Variants in TEX36 observed in about 807,000 individuals in gnomAD.
TEX36 encodes the protein testis-expressed protein 36.
Under a neutral mutation model 13.6 loss-of-function variants are expected in TEX36, and 12 were observed. The observed-to-expected ratio is 0.88, with a 90% CI of 0.56 to 1.43. TEX36 has a LOEUF of 1.43. Ranked by LOEUF, TEX36 falls within the 40% of genes most tolerant of loss-of-function variation. The pLI is 0.00. For missense variants in TEX36, 224 were observed against 228.3 expected (o/e 0.98, Z 0.12); for synonymous variants, 93 against 83.0 (o/e 1.12, Z -0.65).
At chr10:125,624,634 C>T (rs1223543911) in intron 3 of TEX36, among the ~76,000 whole-genome samples, 3 of 151,606 alleles carry the variant, frequency 2.0e-5, no homozygotes, top group Non-Finnish European at 4.4e-5. Flanking sequence ...GGGGAATGAC[C>T]CTTCCTCAAG....
intron 3 of TEX36, among the ~76,000 whole-genome samples, chr10:125,614,385 G>T (rs899463052): frequency 1.3e-5 from 2 of 152,122 alleles, no homozygotes; most frequent in African/African-American, 4.8e-5. Flanking sequence ...GTAATGCGTA[G>T]GTTTTCTTCT....
intron 3 of TEX36, among the ~76,000 whole-genome samples, chr10:125,627,157 C>A (rs1025110420): frequency 6.6e-6 from 1 of 152,182 alleles, no homozygotes; most frequent in East Asian, 1.9e-4. Context: ...TTTTTAAATA[C>A]ATGTAAGTGA....
At chr10:125,635,187 C>A (rs1047272591) in intron 3 of TEX36, among the ~76,000 whole-genome samples, 4 of 152,144 alleles carry the variant, frequency 2.6e-5, no homozygotes, top group Non-Finnish European at 5.9e-5. Flanking sequence ...CAGGCTCCAC[C>A]ACATTGCTCC....
chr10:125,634,024 A>G lies in TEX36; in HGVS notation c.265-12379T>C, dbSNP rs1285109104. Among the ~76,000 whole-genome samples the G allele has an allele frequency of 2.5e-4, 38 of 152,186 alleles. 1 individual carries two copies. Among genetic ancestry groups the G allele is most frequent in the Non-Finnish European group, 1.5e-5 (1 of 68,040 alleles). On this transcript the variant is annotated intron_variant, in intron 3 of 3. Coordinates refer to the TEX36 transcript ENST00000526819. The stretch of plus-strand genomic sequence containing the variant: ...TTTACTTTCTTGGATTAAAACAAAA[A>G]AAAACTTACTTTTTTTGGAGCAGGG...
At chr10:125,589,090 G>C (rs564058997) in intron 3 of TEX36, among the ~76,000 whole-genome samples, 5 of 152,192 alleles carry the variant, frequency 3.3e-5, no homozygotes, top group Non-Finnish European at 7.3e-5. Flanking sequence ...AACAATATCA[G>C]AATGATTTTC....
At chr10:125,665,806 T>C (rs1847111555) in intron 1 of TEX36, among the ~76,000 whole-genome samples, 1 of 152,230 alleles carries the variant, frequency 6.6e-6, no homozygotes. Flanking sequence ...AATATGGTCA[T>C]TTTAATGATG....
chr10:125,583,004 C>T (rs530541283), intron 3 of TEX36, among the ~76,000 whole-genome samples: 3 of 152,260 alleles, frequency 2.0e-5, no homozygotes, highest in Non-Finnish European at 4.4e-5. Flanking sequence ...CATCTTCTTG[C>T]TAATCTAATA....
intron 3 of TEX36, among the ~76,000 whole-genome samples, chr10:125,613,177 G>A (rs1417369925): frequency 6.7e-6 from 1 of 148,546 alleles, no homozygotes; most frequent in African/African-American, 2.5e-5. Flanking sequence ...ATCCTGTCTT[G>A]GACAAGACTG....
At chr10:125,668,277 T>A (rs1047749916) in intron 1 of TEX36, among the ~76,000 whole-genome samples, 1 of 152,034 alleles carries the variant, frequency 6.6e-6, no homozygotes, top group African/African-American at 2.4e-5. Context: ...CAGCTGTGAA[T>A]CCAACCAGTT....
intron 3 of TEX36, among the ~76,000 whole-genome samples, chr10:125,658,135 T>C (rs998943242): frequency 2.0e-5 from 3 of 152,188 alleles, no homozygotes; most frequent in Non-Finnish European, 4.4e-5. Flanking sequence ...TCTTCGATTT[T>C]TTTTAAAACT....
At chr10:125,622,701 A>T (rs1215101532) in intron 3 of TEX36, among the ~76,000 whole-genome samples, 1 of 152,202 alleles carries the variant, frequency 6.6e-6, no homozygotes, top group African/African-American at 2.4e-5. Context: ...TGGTAGTACT[A>T]AGAGACGCCC....
intron 1 of TEX36, among the ~76,000 whole-genome samples, chr10:125,668,487 TA>T (rs1240386757): frequency 1.3e-5 from 2 of 152,018 alleles, no homozygotes; most frequent in Non-Finnish European, 2.9e-5. Context: ...CTTTTTTATT[TA>T]AAAAAAGATC....
rs143371663 is a variant in TEX36, at chr10:125,582,339, T to C, written c.265-5465A>G. On this transcript the variant is annotated intron_variant, in intron 3 of 3. Coordinates refer to the TEX36 transcript ENST00000532135. Reference sequence around the variant, plus strand: ...CTCAAATTCTAGACCACAAATTTTCTGCACATTTCACAGAGGAGGAAGTTC... The same window carrying C: ...CTCAAATTCTAGACCACAAATTTTCCGCACATTTCACAGAGGAGGAAGTTC... Among the ~76,000 whole-genome samples the C allele has an allele frequency of 1.0e-3, 156 of 152,338 alleles. 1 individual carries two copies. The East Asian group carries it at 0.029, about 28-fold the overall frequency.
intron 3 of TEX36, among the ~76,000 whole-genome samples, chr10:125,588,741 A>G (rs1315630734): frequency 6.6e-6 from 1 of 152,186 alleles, no homozygotes; most frequent in Non-Finnish European, 1.5e-5. Context: ...CAGCCTCCCG[A>G]GTAGCTGGGA....
chr10:125,625,935 G>A (rs1023424117), intron 3 of TEX36, among the ~76,000 whole-genome samples: 5 of 152,192 alleles, frequency 3.3e-5, no homozygotes, highest in African/African-American at 9.7e-5. Flanking sequence ...AGTGGACACC[G>A]AGGTGTGCCG....
chr10:125,635,115 G>A (rs932614581), intron 3 of TEX36, among the ~76,000 whole-genome samples: 11 of 152,202 alleles, frequency 7.2e-5, no homozygotes, highest in Admixed American at 2.6e-4. Context: ...AATAGTGCAT[G>A]AGAAGTGTAA....
At chr10:125,654,975 T>C (rs1846916078), downstream of TEX36, among the ~76,000 whole-genome samples, 4 of 152,202 alleles carry the variant, frequency 2.6e-5, no homozygotes, top group Admixed American at 2.0e-4. Flanking sequence ...TCAAGCATGT[T>C]CATGTAACAC....
intron 3 of TEX36, among the ~76,000 whole-genome samples, chr10:125,593,492 C>A (rs993123437): frequency 3.3e-5 from 5 of 152,200 alleles, no homozygotes; most frequent in African/African-American, 1.2e-4. Flanking sequence ...ATAAAGTCTT[C>A]GGTGCTTGCC....
At chr10:125,635,660 C>G (rs1244818694) in intron 3 of TEX36, among the ~76,000 whole-genome samples, 1 of 152,176 alleles carries the variant, frequency 6.6e-6, no homozygotes, top group Non-Finnish European at 1.5e-5. Context: ...CCTGAGAACC[C>G]AGCAACATCG....
Sources: gnomAD v4.1 joint callset for allele counts (sites outside exome capture counted in the v4.1 genomes callset) on GRCh38, gnomAD v4.1.1 for gene constraint, MANE v1.5 for transcripts, NCBI Gene and HGNC (gene_info 2026-07-23, HGNC 2026-07-21) for gene names.